CCDC141: variants seen among roughly 807,000 people sequenced by gnomAD.
CCDC141 encodes coiled-coil domain-containing protein 141.
Under a neutral mutation model 181.0 loss-of-function variants are expected in CCDC141, and 168 were observed. The observed-to-expected ratio is 0.93, with a 90% CI of 0.82 to 1.05. CCDC141 has a LOEUF of 1.05. CCDC141 is among the 50% of genes least tolerant of loss of function. The pLI is 0.00. For synonymous variants in CCDC141, 666 were observed against 642.3 expected (o/e 1.04, Z -0.56); for missense variants, 1,902 against 1,788.5 (o/e 1.06, Z -1.14).
intron 12 of CCDC141, 99 bp downstream of exon 12, chr2:178,877,865 A>G (rs1282742698): frequency 8.7e-7 from 1 of 1,143,850 alleles, no homozygotes; most frequent in Admixed American, 1.7e-5. Flanking sequence ...TCCCTAGGAG[A>G]GAACTGCTGA....
intron 20 of CCDC141, among the ~76,000 whole-genome samples, chr2:178,851,942 C>T (rs567376970): frequency 8.5e-4 from 130 of 152,264 alleles, no homozygotes; most frequent in African/African-American, 3.0e-3. Flanking sequence ...TCTTAAAGTG[C>T]CTCCCTTGAT....
rs1173835255 is a variant in CCDC141, at chr2:178,872,340, C to A, written c.1900-28G>T. ...GTTAAATTAATAATTCATATAATAG[C>A]TTTTCTTTCCCAAGAGATACAGCTT... is the stretch of plus-strand genomic sequence containing the variant. On this transcript the variant is annotated intron_variant, in intron 12 of 23. Transcript: ENST00000443758. The A allele has an allele frequency of 1.9e-6, 3 of 1,568,080 alleles. No individual in the cohort carries two copies. The Admixed American group carries it at 5.5e-5, about 29-fold the overall frequency.
chr2:178,924,851 C>T (rs778048987), intron 6 of CCDC141, among the ~76,000 whole-genome samples: 9 of 152,184 alleles, frequency 5.9e-5, no homozygotes, highest in African/African-American at 9.7e-5. Flanking sequence ...AAAATCATTG[C>T]GACTGAACCA....
rs11899030 is a variant in CCDC141 at position 178,955,257 on chromosome 2, C to G, written c.780+5973G>C. Among the ~76,000 whole-genome samples, 126 of 152,074 alleles carry G rather than the reference C, an allele frequency of 8.3e-4. 1 individual carries two copies. Among genetic ancestry groups the G allele is most frequent in the African/African-American group, 2.7e-3 (113 of 41,490 alleles). On this transcript the variant is annotated intron_variant, in intron 5 of 23. Coordinates refer to ENST00000443758, the MANE Select transcript of CCDC141 (RefSeq NM_173648.4). Reference sequence around the variant, plus strand: ...CCGAGACTGTGCCACTGCACTCCAGCCTGGGTGACAGAGCGAGACTCTGTC... The same window carrying G: ...CCGAGACTGTGCCACTGCACTCCAGGCTGGGTGACAGAGCGAGACTCTGTC...
At chr2:178,905,533 TTCTC>T in intron 7 of CCDC141, 32 bp from the exon 8 acceptor site, 1 of 1,524,728 alleles carries the variant, frequency 6.6e-7, no homozygotes, top group South Asian at 1.3e-5. Context: ...TATTTTCTGC[TTCTC>T]TAGTTTAAAA....
intron 8 of CCDC141, among the ~76,000 whole-genome samples, chr2:178,902,546 T>C (rs1285909104): frequency 2.0e-5 from 3 of 152,190 alleles, no homozygotes; most frequent in Non-Finnish European, 4.4e-5. Flanking sequence ...GAAAACTGGC[T>C]AGCCATATGT....
chr2:178,900,646 T>A (rs1687641618), intron 8 of CCDC141, among the ~76,000 whole-genome samples: 1 of 152,128 alleles, frequency 6.6e-6, no homozygotes, highest in Non-Finnish European at 1.5e-5. Context: ...GTATAAAAAA[T>A]AAAAGCAGCT....
At chr2:179,038,854 G>A (rs1228964628) in intron 2 of CCDC141, among the ~76,000 whole-genome samples, 1 of 152,152 alleles carries the variant, frequency 6.6e-6, no homozygotes, top group African/African-American at 2.4e-5. Flanking sequence ...CCAGTGCCCA[G>A]GAGGTTTTCT....
chr2:178,942,674 T>C lies in CCDC141; in HGVS notation c.897+1861A>G, dbSNP rs2089578353. Among the ~76,000 whole-genome samples the C allele has an allele frequency of 2.0e-5, 3 of 152,152 alleles. No individual in the cohort carries two copies. The South Asian group carries it at 6.2e-4, about 32-fold the overall frequency. On this transcript the variant is annotated intron_variant, in intron 6 of 23. Transcript: ENST00000443758. The stretch of plus-strand genomic sequence containing the variant: ...AGCAATGAACTTTGGGTAATAATGA[T>C]GTGTCAATGCAGGTCCATTAATTGT...
At chr2:179,049,814 C>T (rs1187215204) in intron 1 of CCDC141, 26 bp downstream of exon 1, 3 of 1,550,196 alleles carry the variant, frequency 1.9e-6, no homozygotes, top group South Asian at 2.4e-5. Context: ...CACAGCCGCA[C>T]AGAAAAAAGG....
chr2:178,981,636 G>GTGTGTATATA (rs1313433628), intron 2 of CCDC141, among the ~76,000 whole-genome samples: 15 of 62,396 alleles, frequency 2.4e-4, no homozygotes, highest in East Asian at 6.7e-4. Flanking sequence ...GTGTGTGTGT[G>GTGTGTATATA]TATATATATA....
intron 2 of CCDC141, among the ~76,000 whole-genome samples, chr2:179,015,280 A>C (rs1444896032): frequency 1.6e-5 from 2 of 125,308 alleles, no homozygotes; most frequent in Non-Finnish European, 3.4e-5. Flanking sequence ...TATCTCATCT[A>C]TCTCTCATAT....
At chr2:179,026,031 A>G (rs971670524) in intron 2 of CCDC141, among the ~76,000 whole-genome samples, 1 of 152,254 alleles carries the variant, frequency 6.6e-6, no homozygotes, top group Non-Finnish European at 1.5e-5. Context: ...CTTCAGTTTT[A>G]TAAGGGAAGC....
chr2:178,871,401 C>A (rs1295516496), intron 14 of CCDC141, 26 bp downstream of exon 14: 4 of 1,600,060 alleles, frequency 2.5e-6, no homozygotes, highest in Non-Finnish European at 2.6e-6. Flanking sequence ...TTCCATTCAC[C>A]CAAATCCAGC....
chr2:178,934,804 G>A (rs1685688504), intron 6 of CCDC141, among the ~76,000 whole-genome samples: 1 of 152,172 alleles, frequency 6.6e-6, no homozygotes, highest in Non-Finnish European at 1.5e-5. Flanking sequence ...TGCTTTCTCT[G>A]TGTTACCACA....
rs115850132 is a variant in CCDC141 at position 178,977,279 on chromosome 2, C to T, written c.417+1205G>A. Among the ~76,000 whole-genome samples, 715 of 152,156 alleles carry T rather than the reference C, an allele frequency of 4.7e-3. 8 individuals are homozygous for T. The highest frequency in any genetic ancestry group is 0.016 in the African/African-American group (685 of 41,516). ...ATGGAGAAAATAAGCTACATTAACA[C>T]TAAAACACAGTGAGAAACAAATATT... On this transcript the variant is annotated intron_variant, in intron 3 of 23. Coordinates refer to ENST00000443758, the MANE Select transcript of CCDC141 (RefSeq NM_173648.4).
Position 178,855,504 on chromosome 2 carries a change from G to T in CCDC141, c.2903C>A (p.Thr968Asn). Reference protein sequence around the residue: ...KRKMEKVSNKTSDSFLNYPSD... With the variant: ...KRKMEKVSNKNSDSFLNYPSD... The stretch of plus-strand genomic sequence containing the variant: ...TGGATAATTTAAGAAAGAATCAGAG[G>T]TTTTATTACTAACTTTTTCCATTTT... The change falls in exon 19 of 24, where the codon ACC (threonine) becomes AAC (asparagine). Residue 968 changes from threonine to asparagine, a missense_variant. Coordinates refer to ENST00000443758, the MANE Select transcript of CCDC141 (RefSeq NM_173648.4). The T allele has an allele frequency of 6.3e-7, 1 of 1,595,966 alleles. No homozygotes were observed. The highest frequency in any genetic ancestry group is 8.5e-7 in the Non-Finnish European group (1 of 1,173,972).
Position 178,886,830 on chromosome 2 carries a change from AT to A in CCDC141, c.1448del (p.Asn483MetfsTer16). On this transcript the variant is annotated frameshift_variant, in exon 10 of 24. Transcript: ENST00000443758. LOFTEE classifies it high-confidence loss of function. ...SIQKISPVLS[N>X]AMDVGSTRSE... ...AACGGGTAGAACCAACATCCATTGC[AT>A]TAGAAAGTACTGGACTGATTTTCTG... is the stretch of plus-strand genomic sequence containing the variant. 1 of 1,468,942 alleles carries A rather than the reference AT, an allele frequency of 6.8e-7. No homozygotes were observed. The highest frequency in any genetic ancestry group is 2.7e-5 in the East Asian group (1 of 37,324). The allele number at this position is 1,468,942 out of a possible 1,614,324, so 91.0% of individuals were successfully genotyped here. A position where few individuals can be genotyped will look rare whatever the true frequency, so the allele number is the denominator to read the frequency against.
At chr2:178,866,935 A>G (rs547957902) in intron 16 of CCDC141, among the ~76,000 whole-genome samples, 8 of 152,342 alleles carry the variant, frequency 5.3e-5, no homozygotes, top group African/African-American at 1.7e-4. Context: ...CATGTTGGCC[A>G]GGCTGGACTT....
Sources: allele counts gnomAD v4.1 joint callset (sites outside exome capture counted in the v4.1 genomes callset), GRCh38; gene constraint gnomAD v4.1.1; transcripts MANE v1.5; gene names NCBI Gene and HGNC (gene_info 2026-07-23, HGNC 2026-07-21).